Variants in RAD51B observed in about 807,000 individuals in gnomAD.
RAD51B encodes the protein RAD51 paralog B.
Under a neutral mutation model 42.2 loss-of-function variants are expected in RAD51B, and 38 were observed. The ratio of observed to expected loss-of-function variants is 0.90; its 90% CI spans 0.70 to 1.18. The LOEUF (loss-of-function observed/expected upper bound fraction) is 1.18, where lower values mean the gene tolerates loss of function less well. Ranked by LOEUF, RAD51B falls within the 50% of genes most tolerant of loss-of-function variation. The probability of loss-of-function intolerance (pLI) is 0.00; values close to 1 mark genes in which losing one functional copy is unlikely to be tolerated. For synonymous variants in RAD51B, 154 were observed against 145.2 expected, an observed-to-expected ratio of 1.06 and a Z score of -0.43; for missense variants, 373 against 400.7, an observed-to-expected ratio of 0.93 and a Z score of 0.59.
chr14:67,998,248 T>C (rs1336642135), intron 7 of RAD51B, among the ~76,000 whole-genome samples: 1 of 152,234 alleles, frequency 6.6e-6, no homozygotes, highest in Non-Finnish European at 1.5e-5. Context: ...CATGGGTCTT[T>C]GAGGCTGAAG....
At chr14:68,354,509 G>A (rs1472067481) in intron 8 of RAD51B, among the ~76,000 whole-genome samples, 1 of 151,930 alleles carries the variant, frequency 6.6e-6, no homozygotes, top group Non-Finnish European at 1.5e-5. Context: ...CACCGCGCCT[G>A]GCCCCAATAA....
At chr14:68,018,039 T>C (rs565523983) in intron 7 of RAD51B, among the ~76,000 whole-genome samples, 6 of 152,196 alleles carry the variant, frequency 3.9e-5, no homozygotes, top group Non-Finnish European at 7.3e-5. Context: ...AGCTGCTTAG[T>C]AGTTAAGTAG....
chr14:67,881,422 G>T (rs2042902777), intron 5 of RAD51B, among the ~76,000 whole-genome samples: 1 of 152,290 alleles, frequency 6.6e-6, no homozygotes, highest in South Asian at 2.1e-4. Flanking sequence ...ACCTCAAGTA[G>T]TTTCCCTTCA....
chr14:68,186,942 G>A (rs1247495209), intron 7 of RAD51B, among the ~76,000 whole-genome samples: 3 of 152,026 alleles, frequency 2.0e-5, no homozygotes, highest in Admixed American at 1.3e-4. Context: ...CACTATTCAC[G>A]ATAGCAAAGA....
intron 10 of RAD51B, 153 bp downstream of exon 10, chr14:68,468,403 A>C: frequency 1.2e-6 from 1 of 844,224 alleles, no homozygotes; most frequent in Non-Finnish European, 2.0e-6. Context: ...TAGTGAGAGC[A>C]AGAGAGCGGC....
At chr14:68,232,295 T>A (rs1269150266) in intron 7 of RAD51B, among the ~76,000 whole-genome samples, 1 of 152,072 alleles carries the variant, frequency 6.6e-6, no homozygotes, top group Non-Finnish European at 1.5e-5. Flanking sequence ...TAAGGAGCAG[T>A]GGCAAGTGAT....
At chr14:68,273,954 A>C (rs1249320592) in intron 7 of RAD51B, among the ~76,000 whole-genome samples, 1 of 152,144 alleles carries the variant, frequency 6.6e-6, no homozygotes, top group African/African-American at 2.4e-5. Context: ...TAAAACATGT[A>C]TAATGTTTTA....
At chr14:68,074,795 A>C (rs2076806474) in intron 7 of RAD51B, among the ~76,000 whole-genome samples, 1 of 152,222 alleles carries the variant, frequency 6.6e-6, no homozygotes, top group South Asian at 2.1e-4. Flanking sequence ...AGCGTATATT[A>C]GCAAAGTATT....
rs35372175 is a variant in RAD51B at position 68,275,441 on chromosome 14, T to TA, written c.757-16432dup. Among the ~76,000 whole-genome samples, 925 of 146,978 alleles carry TA rather than the reference T, an allele frequency of 6.3e-3. 6 individuals are homozygous for TA. The highest frequency in any genetic ancestry group is 0.021 in the African/African-American group (863 of 40,374). Reference sequence around the variant, plus strand: ...AAGTAACTGGCAGAAAAAGTGGACTTAAAAAAAAAAAGTAGTGGAACAAAT... The same window carrying TA: ...AAGTAACTGGCAGAAAAAGTGGACTTAAAAAAAAAAAAGTAGTGGAACAAAT... On this transcript the variant is annotated intron_variant, in intron 7 of 10. Coordinates refer to ENST00000471583, the MANE Select transcript of RAD51B (RefSeq NM_133510.4).
chr14:68,578,882 T>C (rs574494820), intron 10 of RAD51B, among the ~76,000 whole-genome samples: 148 of 152,296 alleles, frequency 9.7e-4, no homozygotes, highest in Non-Finnish European at 1.7e-3. Context: ...TCTCTGGAAA[T>C]ATCAAGGGTT....
At chr14:68,510,396 G>A (rs1407038393) in intron 10 of RAD51B, among the ~76,000 whole-genome samples, 3 of 152,124 alleles carry the variant, frequency 2.0e-5, no homozygotes, top group Non-Finnish European at 4.4e-5. Context: ...GCGGGGGAGT[G>A]GCCATGTGGT....
intron 7 of RAD51B, among the ~76,000 whole-genome samples, chr14:68,075,149 C>T (rs895635621): frequency 6.6e-6 from 1 of 151,970 alleles, no homozygotes; most frequent in Non-Finnish European, 1.5e-5. Context: ...GAACAATCAA[C>T]CTGGGGTGGG....
intron 10 of RAD51B, among the ~76,000 whole-genome samples, chr14:68,586,194 A>G (rs2256230): frequency 3.3e-5 from 5 of 151,854 alleles, no homozygotes; most frequent in African/African-American, 1.2e-4. Context: ...CGAGGACAGT[A>G]GATTCGCCCT....
chr14:68,201,514 G>A (rs75466945), intron 7 of RAD51B, among the ~76,000 whole-genome samples: 2 of 152,168 alleles, frequency 1.3e-5, no homozygotes, highest in African/African-American at 4.8e-5. Context: ...AACTTTCCCA[G>A]GGAATACTCT....
intron 2 of RAD51B, among the ~76,000 whole-genome samples, chr14:67,824,259 TTTTG>T (rs1291430890): frequency 6.6e-6 from 1 of 151,964 alleles, no homozygotes; most frequent in Non-Finnish European, 1.5e-5. Flanking sequence ...TTTATCCTTT[TTTTG>T]TTTGTTTGTT....
intron 7 of RAD51B, among the ~76,000 whole-genome samples, chr14:67,980,690 A>C (rs948527854): frequency 2.0e-5 from 3 of 152,230 alleles, no homozygotes; most frequent in Non-Finnish European, 4.4e-5. Flanking sequence ...TTGGATATTC[A>C]TGTGAAAAAA....
intron 10 of RAD51B, among the ~76,000 whole-genome samples, chr14:68,617,660 C>T (rs1453578027): frequency 6.6e-6 from 1 of 152,128 alleles, no homozygotes; most frequent in East Asian, 1.9e-4. Flanking sequence ...ATATTGTTTC[C>T]CCTGCTGTAA....
intron 7 of RAD51B, among the ~76,000 whole-genome samples, chr14:67,969,903 C>T (rs576992324): frequency 4.6e-5 from 7 of 152,048 alleles, no homozygotes; most frequent in South Asian, 4.1e-4. Flanking sequence ...AACTAAGAAA[C>T]GTGGACTGAA....
intron 10 of RAD51B, chr14:68,469,115 G>A (rs1308897922): frequency 1.9e-6 from 1 of 514,852 alleles, no homozygotes; most frequent in Non-Finnish European, 3.9e-6. Context: ...CAACCACAGA[G>A]ATGCTTAGGT....
Sources: gnomAD v4.1 joint callset for allele counts (sites outside exome capture counted in the v4.1 genomes callset) on GRCh38, gnomAD v4.1.1 for gene constraint, MANE v1.5 for transcripts, NCBI Gene and HGNC (gene_info 2026-07-23, HGNC 2026-07-21) for gene names.